PPM1H: variants seen among roughly 807,000 people sequenced by gnomAD.
PPM1H encodes protein phosphatase 1H.
Under a neutral mutation model 54.9 loss-of-function variants are expected in PPM1H, and 27 were observed. The ratio of observed to expected loss-of-function variants is 0.49; its 90% CI spans 0.36 to 0.68. PPM1H has a LOEUF of 0.68. Ranked by LOEUF, PPM1H falls within the 30% of genes least tolerant of loss-of-function variation. The probability of loss-of-function intolerance (pLI) is 0.00; values close to 1 mark genes in which losing one functional copy is unlikely to be tolerated. For missense variants in PPM1H, 596 were observed against 667.8 expected, an observed-to-expected ratio of 0.89 and a Z score of 1.19; for synonymous variants, 305 against 270.8, an observed-to-expected ratio of 1.13 and a Z score of -1.24.
intron 4 of PPM1H, among the ~76,000 whole-genome samples, chr12:62,746,430 C>G (rs1270422566): frequency 6.6e-6 from 1 of 152,164 alleles, no homozygotes; most frequent in Admixed American, 6.5e-5. Flanking sequence ...CAAACCAAAC[C>G]AAACCACCAC....
At chr12:62,690,808 C>A (rs7956444) in intron 7 of PPM1H, among the ~76,000 whole-genome samples, 1 of 152,036 alleles carries the variant, frequency 6.6e-6, no homozygotes, top group Non-Finnish European at 1.5e-5. Context: ...CCCATCTCTA[C>A]GAAAAATACA....
intron 1 of PPM1H, among the ~76,000 whole-genome samples, chr12:62,851,451 C>CCAA (rs930525024): frequency 6.6e-6 from 1 of 152,190 alleles, no homozygotes; most frequent in Non-Finnish European, 1.5e-5. Flanking sequence ...GCCTGTAATC[C>CCAA]CAACACTTTC....
chr12:62,860,497 T>C (rs772578), intron 1 of PPM1H, among the ~76,000 whole-genome samples: 40,293 of 152,086 alleles, frequency 0.26, 7,142 homozygotes, highest in African/African-American at 0.49. Context: ...CTCTATGTCA[T>C]CTAAACTGAT....
At chr12:62,735,972 A>T (rs2076347531) in intron 5 of PPM1H, among the ~76,000 whole-genome samples, 1 of 152,164 alleles carries the variant, frequency 6.6e-6, no homozygotes, top group Admixed American at 6.5e-5. Context: ...GGCAACATTG[A>T]GATAGGACTG....
intron 8 of PPM1H, among the ~76,000 whole-genome samples, chr12:62,673,123 C>G (rs2075965785): frequency 6.6e-6 from 1 of 152,160 alleles, no homozygotes; most frequent in Admixed American, 6.5e-5. Flanking sequence ...TGCCAATAAA[C>G]ATTCAGTGTG....
chr12:62,693,600 T>C (rs2076095743), intron 7 of PPM1H, among the ~76,000 whole-genome samples: 1 of 152,232 alleles, frequency 6.6e-6, no homozygotes, highest in Admixed American at 6.5e-5. Context: ...TTGACCTGCC[T>C]CCTTGCTCGT....
At chr12:62,650,401 G>T (rs10877902) in intron 9 of PPM1H, among the ~76,000 whole-genome samples, 33,036 of 152,074 alleles carry the variant, frequency 0.22, 3,841 homozygotes, top group Middle Eastern at 0.34. Flanking sequence ...ATTCTTGAGG[G>T]AAGATGCAAA....
chr12:62,848,168 A>G (rs916146704), intron 1 of PPM1H, among the ~76,000 whole-genome samples: 2 of 152,258 alleles, frequency 1.3e-5, no homozygotes, highest in Admixed American at 6.5e-5. Context: ...GTTGCAAAAT[A>G]TCCTTTCTGT....
At chr12:62,734,707 T>C (rs971370730) in intron 5 of PPM1H, among the ~76,000 whole-genome samples, 1 of 152,088 alleles carries the variant, frequency 6.6e-6, no homozygotes, top group Non-Finnish European at 1.5e-5. Context: ...TTGCCTCTTG[T>C]AGGAAAACAG....
At chr12:62,796,775 A>G (rs780323401) in intron 3 of PPM1H, among the ~76,000 whole-genome samples, 1 of 152,224 alleles carries the variant, frequency 6.6e-6, no homozygotes, top group Non-Finnish European at 1.5e-5. Flanking sequence ...GTGCGCGCAC[A>G]CACACACACA....
intron 4 of PPM1H, among the ~76,000 whole-genome samples, chr12:62,744,236 C>T (rs887075351): frequency 1.9e-4 from 29 of 150,796 alleles, no homozygotes; most frequent in Admixed American, 1.8e-3. Context: ...TTTGGGAGGC[C>T]GAGGTGAGTG....
At chr12:62,811,404 G>A (rs959888332) in intron 2 of PPM1H, among the ~76,000 whole-genome samples, 4 of 152,180 alleles carry the variant, frequency 2.6e-5, no homozygotes, top group African/African-American at 4.8e-5. Context: ...AGACCAGGCT[G>A]CACATCTGAG....
At chr12:62,702,316 T>A (rs1184578285) in intron 6 of PPM1H, among the ~76,000 whole-genome samples, 6 of 152,198 alleles carry the variant, frequency 3.9e-5, no homozygotes, top group Middle Eastern at 3.2e-3. Context: ...GCCACAGCTA[T>A]TCACCAGTGT....
At chr12:62,671,175 A>T (rs1486633266) in intron 8 of PPM1H, among the ~76,000 whole-genome samples, 1 of 152,080 alleles carries the variant, frequency 6.6e-6, no homozygotes, top group Non-Finnish European at 1.5e-5. Flanking sequence ...ATGTTCCTGG[A>T]AGCCTCACAT....
At chr12:62,841,348 G>A (rs1423764699) in intron 1 of PPM1H, among the ~76,000 whole-genome samples, 2 of 151,942 alleles carry the variant, frequency 1.3e-5, no homozygotes, top group Non-Finnish European at 2.9e-5. Flanking sequence ...TTAAGTAGCT[G>A]GGGGGAAAAA....
intron 6 of PPM1H, among the ~76,000 whole-genome samples, chr12:62,702,632 C>A (rs937947787): frequency 2.0e-5 from 3 of 151,590 alleles, no homozygotes; most frequent in African/African-American, 7.3e-5. Context: ...ACTTCAAAGT[C>A]ATTTAAGAGG....
intron 8 of PPM1H, among the ~76,000 whole-genome samples, chr12:62,672,520 T>C (rs2075962220): frequency 6.6e-6 from 1 of 152,198 alleles, no homozygotes; most frequent in South Asian, 2.1e-4. Context: ...AGATCCTACC[T>C]GTAAGAGTCT....
At chr12:62,659,204 G>A in intron 9 of PPM1H, 1 of 641,728 alleles carries the variant, frequency 1.6e-6, no homozygotes, top group Admixed American at 1.9e-5. Flanking sequence ...ATGCCAGGCT[G>A]TGCAGCGAAG....
chr12:62,648,544 C>T lies in PPM1H; in HGVS notation c.1490G>A (p.Gly497Glu). The T allele has an allele frequency of 6.2e-7, 1 of 1,614,006 alleles. No homozygotes were observed. The change falls in exon 10 of 10, where the codon GGA (glycine) becomes GAA (glutamate). Residue 497 changes from glycine to glutamate, a missense_variant. Physicochemically the swap from Gly to Glu is moderately conservative, Grantham distance 98. Transcript: ENST00000228705. ...AATGACATATACAGAAATGTCGTCT[C>T]CTGAGCCCAGTCGGTCATTAGATAT... ...WRISNDRLGS[G>E]DDISVYVIPL... is the part of the protein sequence containing the mutation.
Sources: allele counts gnomAD v4.1 joint callset (sites outside exome capture counted in the v4.1 genomes callset), GRCh38; gene constraint gnomAD v4.1.1; transcripts MANE v1.5; gene names NCBI Gene and HGNC (gene_info 2026-07-23, HGNC 2026-07-21).